Variants in RGL1 observed in about 807,000 individuals in gnomAD.
The protein encoded by RGL1 is ral guanine nucleotide dissociation stimulator-like 1.
A neutral mutation model predicts 95.2 loss-of-function variants in RGL1; 24 were observed. The ratio of observed to expected loss-of-function variants is 0.25; its 90% CI spans 0.18 to 0.35. The LOEUF is 0.35. RGL1 is among the 10% of genes least tolerant of loss of function. The pLI, the probability that RGL1 is intolerant of heterozygous loss-of-function variation, is 1.00. For missense variants in RGL1, 715 were observed against 936.3 expected (o/e 0.76, Z 3.08); for synonymous variants, 329 against 344.9 (o/e 0.95, Z 0.51).
In RGL1 at chr1:183,897,891, G is replaced by A. The variant is rs1424795787; in HGVS notation, c.1224G>A (p.Lys408=). ...CCCAGAGGCGGCTGCAGCTCCAGAA[G>A]GACATGGTATGTCTGGCCCTCGTCT... The part of the protein sequence containing the change: ...KRTQRRLQLQ[K]DMGVMQGTVP... The change falls in exon 10 of 18, where the codon AAG becomes AAA. Residue 408 remains lysine, a synonymous_variant. Coordinates refer to ENST00000360851, the MANE Select transcript of RGL1 (RefSeq NM_001297671.3). 1.9e-6 allele frequency: 3 copies of A among 1,613,520 alleles called. No individual in the cohort carries two copies. Among genetic ancestry groups the A allele is most frequent in the Middle Eastern group, 1.6e-4 (1 of 6,082 alleles).
At chr1:183,804,737 C>G (rs916058695), upstream of RGL1, among the ~76,000 whole-genome samples, 1 of 152,188 alleles carries the variant, frequency 6.6e-6, no homozygotes, top group Non-Finnish European at 1.5e-5. Context: ...GAAAAACTTC[C>G]TGGCGTCTAG....
At chr1:183,747,405 T>C (rs1294473498) in intron 2 of RGL1, among the ~76,000 whole-genome samples, 5 of 152,198 alleles carry the variant, frequency 3.3e-5, no homozygotes, top group Non-Finnish European at 7.4e-5. Context: ...ATGAGCGTTT[T>C]TTCATGTTTT....
chr1:183,883,225 G>T (rs948635591), intron 5 of RGL1, among the ~76,000 whole-genome samples: 1 of 152,202 alleles, frequency 6.6e-6, no homozygotes, highest in African/African-American at 2.4e-5. Context: ...GGTGAATTTA[G>T]TTGAAGACTG....
intron 1 of RGL1, among the ~76,000 whole-genome samples, chr1:183,718,249 AGAG>A (rs1194604977): frequency 1.3e-4 from 19 of 143,898 alleles, no homozygotes; most frequent in African/African-American, 4.6e-4. Flanking sequence ...AAAAAAAAAA[AGAG>A]AGAGAGAGAG....
At chr1:183,841,956 T>C (rs1664088779) in intron 2 of RGL1, among the ~76,000 whole-genome samples, 1 of 152,188 alleles carries the variant, frequency 6.6e-6, no homozygotes, top group South Asian at 2.1e-4. Flanking sequence ...TTTCAAAATC[T>C]GAAAAATTCT....
intron 2 of RGL1, among the ~76,000 whole-genome samples, chr1:183,763,644 T>A (rs897087915): frequency 6.6e-6 from 1 of 152,240 alleles, no homozygotes; most frequent in Admixed American, 6.5e-5. Context: ...AGAGACAGAC[T>A]GGCCATGATG....
At chr1:183,862,170 C>T (rs1665550515) in intron 3 of RGL1, among the ~76,000 whole-genome samples, 2 of 151,932 alleles carry the variant, frequency 1.3e-5, no homozygotes, top group Non-Finnish European at 2.9e-5. Flanking sequence ...AGTGAGATCT[C>T]GTCTCTACAA....
intron 1 of RGL1, among the ~76,000 whole-genome samples, chr1:183,684,213 G>T (rs1319396488): frequency 6.6e-6 from 1 of 152,080 alleles, no homozygotes; most frequent in Non-Finnish European, 1.5e-5. Context: ...TCCCTTGCTG[G>T]CGAGGAGTTG....
At chr1:183,702,670 G>A (rs1654670326) in intron 1 of RGL1, among the ~76,000 whole-genome samples, 2 of 152,170 alleles carry the variant, frequency 1.3e-5, no homozygotes, top group African/African-American at 4.8e-5. Context: ...ATGGATTGGT[G>A]TTATGACTCA....
chr1:183,667,208 G>T (rs1170658641), intron 1 of RGL1, among the ~76,000 whole-genome samples: 1 of 152,070 alleles, frequency 6.6e-6, no homozygotes. Flanking sequence ...CAATCTGTAT[G>T]TGCCTTTATA....
intron 1 of RGL1, among the ~76,000 whole-genome samples, chr1:183,731,384 G>A (rs1656619515): frequency 1.3e-5 from 2 of 152,138 alleles, no homozygotes; most frequent in African/African-American, 4.8e-5. Flanking sequence ...GGGCAGGGCA[G>A]AGGAAGTGTG....
intron 1 of RGL1, among the ~76,000 whole-genome samples, chr1:183,708,385 C>G (rs1558164835): frequency 6.6e-6 from 1 of 152,118 alleles, no homozygotes; most frequent in East Asian, 1.9e-4. Context: ...CCCAAATTAA[C>G]AAGACTTGGT....
chr1:183,686,749 G>A (rs562753217), intron 1 of RGL1, among the ~76,000 whole-genome samples: 1 of 152,190 alleles, frequency 6.6e-6, no homozygotes, highest in East Asian at 1.9e-4. Context: ...ATCTGTATTT[G>A]AGATGACTCT....
intron 3 of RGL1, among the ~76,000 whole-genome samples, chr1:183,863,302 T>C (rs900256099): frequency 6.6e-6 from 1 of 152,058 alleles, no homozygotes; most frequent in Non-Finnish European, 1.5e-5. Context: ...CTTTTTCTTT[T>C]TTCTTCTTCT....
chr1:183,839,511 T>C (rs1265426066), intron 2 of RGL1, among the ~76,000 whole-genome samples: 2 of 152,224 alleles, frequency 1.3e-5, no homozygotes. Context: ...ATCTGCCACC[T>C]TCTCCATTCC....
chr1:183,823,680 C>A (rs16861554), intron 2 of RGL1, among the ~76,000 whole-genome samples: 52,738 of 152,062 alleles, frequency 0.35, 9,435 homozygotes, highest in Middle Eastern at 0.47. Context: ...ATAGAGATCT[C>A]AGGAGAGAGT....
At chr1:183,902,213 A>C (rs1668068245) in intron 11 of RGL1, among the ~76,000 whole-genome samples, 1 of 152,198 alleles carries the variant, frequency 6.6e-6, no homozygotes, top group African/African-American at 2.4e-5. Context: ...GTCAATGACC[A>C]TCTGTTTTAG....
In RGL1 at chr1:183,847,601, C is replaced by T; in HGVS notation, c.174C>T (p.Val58=). The change falls in exon 3 of 18, where the codon GTC becomes GTT. Residue 58 remains valine (V), a synonymous_variant. Transcript: ENST00000360851. ...ACCAGCTGCCTCCAGGACACACAGTCAGTCAATATGAAACCTGTAAGATCA... is the reference window on the plus strand; with the variant it reads ...ACCAGCTGCCTCCAGGACACACAGTTAGTCAATATGAAACCTGTAAGATCA... ...EGDQLPPGHT[V]SQYETCKIRT... is the part of the protein sequence containing the mutation. 6.2e-7 allele frequency: 1 copy of T among 1,614,102 alleles called. No individual in the cohort carries two copies. The highest frequency in any genetic ancestry group is 8.5e-7 in the Non-Finnish European group (1 of 1,179,962).
At position 183,819,348 on chromosome 1, in the gene RGL1, C is replaced by T. The variant is rs145052859; in HGVS notation, c.138+12863C>T. On this transcript the variant is annotated intron_variant, in intron 2 of 17. Coordinates refer to ENST00000360851, the MANE Select transcript of RGL1 (RefSeq NM_001297671.3). The stretch of plus-strand genomic sequence containing the variant: ...AGTGTACTTTGTGTGGTGCACCTTT[C>T]TTACCGGAACTCACAGGCAAAAGGA... 2.2e-3 allele frequency among the ~76,000 whole-genome samples: 342 copies of T among 152,292 alleles called. 3 individuals are homozygous for T. The highest frequency in any genetic ancestry group is 7.6e-3 in the African/African-American group (315 of 41,546).
Sources: gnomAD v4.1 joint callset for allele counts (sites outside exome capture counted in the v4.1 genomes callset) on GRCh38, gnomAD v4.1.1 for gene constraint, MANE v1.5 for transcripts, NCBI Gene and HGNC (gene_info 2026-07-23, HGNC 2026-07-21) for gene names.